The following CCDC174 variants were observed in gnomAD, a reference collection of about 807,000 sequenced individuals.
CCDC174 encodes the protein coiled-coil domain containing 174.
Under a neutral mutation model 57.1 loss-of-function variants are expected in CCDC174, and 37 were observed. The observed-to-expected ratio is 0.65, with a 90% confidence interval of 0.50 to 0.85. The LOEUF (loss-of-function observed/expected upper bound fraction) is 0.85. CCDC174 is among the 40% of genes least tolerant of loss of function. CCDC174 has a pLI of 0.00. For missense variants in CCDC174, 540 were observed against 574.3 expected, an observed-to-expected ratio of 0.94 and a Z score of 0.61; for synonymous variants, 182 against 190.2, an observed-to-expected ratio of 0.96 and a Z score of 0.35.
chr3:14,659,059 GCA>G (rs2031047346), intron 4 of CCDC174, 130 bp downstream of exon 4: 1 of 859,702 alleles, frequency 1.2e-6, no homozygotes, highest in Admixed American at 3.4e-5. Context: ...TTCCATGGCT[GCA>G]CAGAGACAAG....
chr3:14,668,811 A>T (rs2031424971), intron 9 of CCDC174, among the ~76,000 whole-genome samples: 1 of 152,218 alleles, frequency 6.6e-6, no homozygotes, highest in Non-Finnish European at 1.5e-5. Flanking sequence ...ACTTGGAGGT[A>T]GGTGGGTGAG....
rs142692185 is a variant in CCDC174 at position 14,671,179 on chromosome 3, C to T, written c.1389C>T (p.Tyr463=). Residue 463 remains tyrosine (Y), a synonymous_variant, in exon 11 of 11, where the codon TAC becomes TAT. Transcript: ENST00000383794. ...CTCTGGATGACATGATTTCCTATTA[C>T]AAACAAGTGACATGATCTTTCAAAG... ...FKTLDDMISY[Y]KQVT The T allele has an allele frequency of 1.2e-6, 2 of 1,609,740 alleles. No homozygotes were observed. The highest frequency in any genetic ancestry group is 8.5e-7 in the Non-Finnish European group (1 of 1,176,744).
chr3:14,653,501 T>A (rs1165532008), intron 1 of CCDC174, among the ~76,000 whole-genome samples: 1 of 152,248 alleles, frequency 6.6e-6, no homozygotes, highest in Non-Finnish European at 1.5e-5. Flanking sequence ...GTGATTTTTT[T>A]AAGTATCTGA....
intron 1 of CCDC174, among the ~76,000 whole-genome samples, chr3:14,653,466 A>G (rs1392953501): frequency 6.6e-6 from 1 of 152,190 alleles, no homozygotes; most frequent in African/African-American, 2.4e-5. Flanking sequence ...GAACCCAGCC[A>G]TTTTTATCTT....
intron 5 of CCDC174, among the ~76,000 whole-genome samples, chr3:14,664,093 G>A (rs563462491): frequency 1.3e-5 from 2 of 152,280 alleles, no homozygotes; most frequent in South Asian, 4.1e-4. Flanking sequence ...GCAGTTGGAG[G>A]TTTTATTTCT....
Position 14,668,657 on chromosome 3 carries a change from G to A in CCDC174, c.952+476G>A, listed in dbSNP as rs572649176. 4.1e-5 allele frequency among the ~76,000 whole-genome samples: 6 copies of A among 147,190 alleles called. No individual in the cohort carries two copies. In the South Asian group the frequency reaches 1.4e-3, roughly 35 times the overall value. ...GTTGGTGATGTGGAACTTGGAGCAC[G>A]GTTCCCCTTGGAAACACTGTTAAAT... On this transcript the variant is annotated intron_variant, in intron 9 of 10. Transcript: ENST00000383794.
chr3:14,667,091 CA>C, intron 7 of CCDC174, 144 bp downstream of exon 7: 1 of 708,682 alleles, frequency 1.4e-6, no homozygotes, highest in South Asian at 2.1e-5. Context: ...CTCCTTTGTT[CA>C]CTTCATAGCC....
chr3:14,655,063 C>A (rs1477978291), intron 2 of CCDC174, among the ~76,000 whole-genome samples: 1 of 152,230 alleles, frequency 6.6e-6, no homozygotes, highest in African/African-American at 2.4e-5. Flanking sequence ...CGCCTCTAAT[C>A]CCATCTCTTT....
In CCDC174 at chr3:14,655,514, A is replaced by G; in HGVS notation, c.148-15A>G. 1 of 1,570,930 alleles carries G rather than the reference A, an allele frequency of 6.4e-7. No homozygotes were observed. Among genetic ancestry groups the G allele is most frequent in the African/African-American group, 1.4e-5 (1 of 72,670 alleles). On this transcript the variant is annotated splice_polypyrimidine_tract_variant and intron_variant, in intron 2 of 10. Coordinates refer to ENST00000383794, the MANE Select transcript of CCDC174 (RefSeq NM_016474.5). The stretch of plus-strand genomic sequence containing the variant: ...ATCATGTGGTTCTGTTTTGTCTTCT[A>G]AAATTATTCTCCAGAAACCAAGTAT...
intron 9 of CCDC174, among the ~76,000 whole-genome samples, chr3:14,668,466 A>C (rs1204027270): frequency 1.3e-5 from 2 of 152,214 alleles, no homozygotes; most frequent in African/African-American, 4.8e-5. Flanking sequence ...ATTTTAAGAT[A>C]AAGTTTAGCT....
intron 4 of CCDC174, 92 bp downstream of exon 4, chr3:14,659,021 G>A: frequency 2.5e-6 from 3 of 1,221,136 alleles, no homozygotes; most frequent in Non-Finnish European, 3.3e-6. Flanking sequence ...TAGGAGTAGA[G>A]AGAAAATTTA....
At position 14,669,916 on chromosome 3, in the gene CCDC174, T is replaced by C. The variant is rs1452108352; in HGVS notation, c.953-18T>C. ...TAGGCTTTTTTATAACAGTGTCTTATTCTTTTACAAAAAATAGATGGAGAT... is the reference window on the plus strand; with the variant it reads ...TAGGCTTTTTTATAACAGTGTCTTACTCTTTTACAAAAAATAGATGGAGAT... On this transcript the variant is annotated intron_variant, in intron 9 of 10. Coordinates refer to ENST00000383794, the MANE Select transcript of CCDC174 (RefSeq NM_016474.5). The C allele has an allele frequency of 1.9e-6, 3 of 1,613,198 alleles. No individual in the cohort carries two copies. Among genetic ancestry groups the C allele is most frequent in the Non-Finnish European group, 2.5e-6 (3 of 1,179,660 alleles).
chr3:14,656,038 C>T (rs1319451356), intron 3 of CCDC174, among the ~76,000 whole-genome samples: 1 of 152,156 alleles, frequency 6.6e-6, no homozygotes, highest in East Asian at 1.9e-4. Flanking sequence ...AACATCTTGT[C>T]ACATGTGCTT....
At chr3:14,660,735 T>TAA (rs2031103796) in intron 4 of CCDC174, among the ~76,000 whole-genome samples, 1 of 152,212 alleles carries the variant, frequency 6.6e-6, no homozygotes, top group Admixed American at 6.5e-5. Flanking sequence ...ACACCACCCC[T>TAA]GGTAATAGGG....
chr3:14,652,535 A>G (rs796356139), intron 1 of CCDC174, among the ~76,000 whole-genome samples: 4 of 152,298 alleles, frequency 2.6e-5, no homozygotes, highest in African/African-American at 7.2e-5. Flanking sequence ...AGGTGCTATT[A>G]ATATCTCCGT....
At chr3:14,660,948 G>A (rs1319524926) in intron 4 of CCDC174, among the ~76,000 whole-genome samples, 1 of 152,222 alleles carries the variant, frequency 6.6e-6, no homozygotes, top group East Asian at 1.9e-4. Flanking sequence ...CATAAGCCCT[G>A]CAGGCAGAGG....
chr3:14,665,381 A>G (rs2031281209), intron 6 of CCDC174, among the ~76,000 whole-genome samples: 1 of 152,240 alleles, frequency 6.6e-6, no homozygotes, highest in East Asian at 1.9e-4. Context: ...CAACAGAGTA[A>G]CAGAATAAAC....
At chr3:14,666,487 G>C (rs187665667) in intron 6 of CCDC174, among the ~76,000 whole-genome samples, 1 of 152,130 alleles carries the variant, frequency 6.6e-6, no homozygotes, top group African/African-American at 2.4e-5. Context: ...GCCAGATGTG[G>C]TGGTGGGTGC....
intron 6 of CCDC174, among the ~76,000 whole-genome samples, chr3:14,665,808 A>AT (rs1261947926): frequency 6.6e-6 from 1 of 151,816 alleles, no homozygotes; most frequent in Non-Finnish European, 1.5e-5. Context: ...AGGCGGGCGG[A>AT]TCACAAGGTT....
Sources: gnomAD v4.1 joint callset for allele counts (sites outside exome capture counted in the v4.1 genomes callset) on GRCh38, gnomAD v4.1.1 for gene constraint, MANE v1.5 for transcripts, NCBI Gene and HGNC (gene_info 2026-07-23, HGNC 2026-07-21) for gene names.